Variants in SCP2 observed in about 807,000 individuals in gnomAD.
SCP2 encodes SCP-2/3-oxoacyl-CoA thiolase.
A neutral mutation model predicts 71.4 loss-of-function variants in SCP2; 48 were observed. That is an observed-to-expected ratio of 0.67 (90% CI 0.53 to 0.86). SCP2 has a LOEUF of 0.86. Ranked by LOEUF, SCP2 falls within the 40% of genes least tolerant of loss-of-function variation. The probability of loss-of-function intolerance (pLI) is 0.00; values close to 1 mark genes in which losing one functional copy is unlikely to be tolerated. For missense variants in SCP2, 560 were observed against 655.6 expected, an observed-to-expected ratio of 0.85 and a Z score of 1.59; for synonymous variants, 220 against 218.1, an observed-to-expected ratio of 1.01 and a Z score of -0.08.
intron 10 of SCP2, among the ~76,000 whole-genome samples, chr1:52,982,239 G>A (rs1219198513): frequency 6.6e-6 from 1 of 152,094 alleles, no homozygotes; most frequent in Non-Finnish European, 1.5e-5. Flanking sequence ...ACCATAAAAT[G>A]TCTTCAAATA....
At chr1:52,946,641 A>C (rs1440899917) in intron 2 of SCP2, among the ~76,000 whole-genome samples, 1 of 152,138 alleles carries the variant, frequency 6.6e-6, no homozygotes, top group Non-Finnish European at 1.5e-5. Context: ...AAGCAGGAAA[A>C]GATAACTCAT....
intron 11 of SCP2, chr1:52,994,698 A>G: frequency 1.4e-6 from 1 of 692,090 alleles, no homozygotes. Flanking sequence ...CCTTGAGGCG[A>G]GCAAAAAAAT....
intron 7 of SCP2, among the ~76,000 whole-genome samples, chr1:52,976,482 C>T (rs567675226): frequency 1.5e-4 from 23 of 152,136 alleles, no homozygotes; most frequent in Middle Eastern, 3.4e-3. Context: ...GGACAAAGAC[C>T]AAATTTTAAA....
chr1:52,986,119 G>A (rs1658964027), intron 10 of SCP2, among the ~76,000 whole-genome samples: 1 of 152,182 alleles, frequency 6.6e-6, no homozygotes, highest in Admixed American at 6.5e-5. Flanking sequence ...TATAATAATT[G>A]TTTTCCAAAA....
At chr1:52,932,984 TTA>T (rs1398599129) in intron 1 of SCP2, among the ~76,000 whole-genome samples, 12 of 152,338 alleles carry the variant, frequency 7.9e-5, no homozygotes, top group Non-Finnish European at 1.5e-4. Context: ...TATTTCATCT[TTA>T]AATGTTTTTC....
intron 1 of SCP2, among the ~76,000 whole-genome samples, chr1:52,931,962 A>G (rs549340072): frequency 2.6e-5 from 4 of 152,324 alleles, no homozygotes; most frequent in East Asian, 3.9e-4. Flanking sequence ...GACATAGGAA[A>G]GAGCTCTTAG....
At chr1:53,022,678 G>A (rs953008278) in intron 12 of SCP2, among the ~76,000 whole-genome samples, 1 of 152,132 alleles carries the variant, frequency 6.6e-6, no homozygotes, top group African/African-American at 2.4e-5. Flanking sequence ...AGGTATTTCT[G>A]TTTATAGATG....
At chr1:52,986,441 A>G (rs1658990900) in intron 10 of SCP2, among the ~76,000 whole-genome samples, 3 of 152,236 alleles carry the variant, frequency 2.0e-5, no homozygotes, top group Admixed American at 2.0e-4. Flanking sequence ...CAAAAAATAA[A>G]AGAGAGAATG....
At chr1:52,981,929 T>C (rs1348507985) in intron 10 of SCP2, among the ~76,000 whole-genome samples, 1 of 152,126 alleles carries the variant, frequency 6.6e-6, no homozygotes, top group Non-Finnish European at 1.5e-5. Context: ...TTATCTGTTT[T>C]CTATTTGTCC....
At chr1:52,938,604 T>A (rs1275432576) in intron 1 of SCP2, among the ~76,000 whole-genome samples, 1 of 152,222 alleles carries the variant, frequency 6.6e-6, no homozygotes, top group African/African-American at 2.4e-5. Context: ...AGTCTCGTCA[T>A]CCCAGTCTCT....
chr1:52,957,505 C>T (rs1210984762), intron 5 of SCP2, among the ~76,000 whole-genome samples: 3 of 152,098 alleles, frequency 2.0e-5, no homozygotes, highest in African/African-American at 7.2e-5. Flanking sequence ...AAAAACCACA[C>T]ATAAAAAACC....
At chr1:53,006,957 C>CA (rs1192481962) in intron 11 of SCP2, among the ~76,000 whole-genome samples, 32 of 151,010 alleles carry the variant, frequency 2.1e-4, no homozygotes, top group African/African-American at 7.8e-4. Context: ...AAATGGAAAA[C>CA]AAAAAAAAGC....
chr1:52,994,363 C>G, intron 11 of SCP2: 1 of 851,744 alleles, frequency 1.2e-6, no homozygotes, highest in Non-Finnish European at 1.4e-6. Flanking sequence ...TTTAGTTGTT[C>G]TTGTTGACAT....
At chr1:52,960,636 GTATATATGTATGTATATATGTGTA>G (rs1656321345) in intron 5 of SCP2, among the ~76,000 whole-genome samples, 3 of 147,054 alleles carry the variant, frequency 2.0e-5, no homozygotes, top group Non-Finnish European at 1.5e-5. Context: ...GTATATATGT[GTATATATGTATGTATATATGTGTA>G]TATATATGTA....
chr1:53,005,441 G>A (rs946775077), intron 11 of SCP2, among the ~76,000 whole-genome samples: 1 of 152,182 alleles, frequency 6.6e-6, no homozygotes, highest in Non-Finnish European at 1.5e-5. Flanking sequence ...GAAGGATCAG[G>A]CAGCAACATT....
rs546386160 is a variant in SCP2, at chr1:52,957,878, C to A, written c.396+3074C>A. Among the ~76,000 whole-genome samples the A allele has an allele frequency of 2.0e-5, 3 of 152,120 alleles. No homozygotes were observed. In the South Asian group the frequency reaches 6.2e-4, roughly 32 times the overall value. ...TCATGTGGATGTCCAGTTGTCCCTG[C>A]ACCATTTGTTGAAAAGATTATCTTT... On this transcript the variant is annotated intron_variant, in intron 5 of 15. Transcript: ENST00000371514.
intron 11 of SCP2, chr1:52,994,009 G>A (rs1659744254): frequency 2.4e-5 from 29 of 1,211,828 alleles, no homozygotes; most frequent in Non-Finnish European, 3.0e-5. Context: ...AAGAAAATTT[G>A]TTTTCTAGCG....
rs1361458266 is a variant in SCP2, at chr1:52,960,500, G to GTATATA, written c.397-1002_397-1001insATATAT. ...TGTATATGTGTGTGTGTGTGTGTGT[G>GTATATA]TGTGTGTGTGTGTGTGTGTATATGT... On this transcript the variant is annotated intron_variant, in intron 5 of 15. Coordinates refer to ENST00000371514, the MANE Select transcript of SCP2 (RefSeq NM_002979.5). Among the ~76,000 whole-genome samples the GTATATA allele has an allele frequency of 3.3e-3, 499 of 149,130 alleles. 2 individuals carry two copies. The highest frequency in any genetic ancestry group is 0.012 in the African/African-American group (477 of 40,068).
At chr1:52,975,978 A>G (rs966282386) in intron 7 of SCP2, among the ~76,000 whole-genome samples, 3 of 152,230 alleles carry the variant, frequency 2.0e-5, no homozygotes, top group African/African-American at 2.4e-5. Flanking sequence ...CTCAGATTCA[A>G]TAATTCACTA....
Sources: allele counts gnomAD v4.1 joint callset (sites outside exome capture counted in the v4.1 genomes callset), GRCh38; gene constraint gnomAD v4.1.1; transcripts MANE v1.5; gene names NCBI Gene and HGNC (gene_info 2026-07-23, HGNC 2026-07-21).